The following KCNB2 variants were observed in gnomAD, a reference collection of about 807,000 sequenced individuals.
KCNB2 encodes the protein potassium voltage-gated channel subfamily B member 2.
A neutral mutation model predicts 61.5 loss-of-function variants in KCNB2; 15 were observed. The ratio of observed to expected loss-of-function variants is 0.24; its 90% CI spans 0.16 to 0.38. The LOEUF (loss-of-function observed/expected upper bound fraction) is 0.38, where lower values mean the gene tolerates loss of function less well. Ranked by LOEUF, KCNB2 falls within the 10% of genes least tolerant of loss-of-function variation. The pLI is 1.00. For synonymous variants in KCNB2, 457 were observed against 446.0 expected, an observed-to-expected ratio of 1.02 and a Z score of -0.31; for missense variants, 828 against 1,125.2, an observed-to-expected ratio of 0.74 and a Z score of 3.78.
At chr8:72,804,089 G>A (rs1013543314) in intron 2 of KCNB2, among the ~76,000 whole-genome samples, 4 of 152,178 alleles carry the variant, frequency 2.6e-5, no homozygotes. Context: ...GCCTTGTACA[G>A]AGTCACCCCT....
chr8:72,769,083 C>A (rs1808517596), intron 2 of KCNB2, among the ~76,000 whole-genome samples: 1 of 152,022 alleles, frequency 6.6e-6, no homozygotes, highest in Admixed American at 6.6e-5. Context: ...TTGCTTGAAC[C>A]CAGGAGGCGG....
At position 72,935,818 on chromosome 8, in the gene KCNB2, ATCT is replaced by A. The variant is rs140809787; in HGVS notation, c.580-112_580-110del. 5.2e-3 allele frequency: 3,851 copies of A among 735,242 alleles called. 103 individuals are homozygous for A. The African/African-American group carries it at 0.062, about 12-fold the overall frequency. The allele number at this position is 735,242 out of a possible 1,614,324, so 45.5% of individuals were successfully genotyped here. A position where few individuals can be genotyped will look rare whatever the true frequency, so the allele number is the denominator to read the frequency against. On this transcript the variant is annotated intron_variant, in intron 2 of 2. Coordinates refer to ENST00000523207, the MANE Select transcript of KCNB2 (RefSeq NM_004770.3). Reference sequence around the variant, plus strand: ...TAAGTTGTAAAATTACCTTCTTATAATCTTCTTGGAAGAACTTGGAGCATTCCA... The same window carrying A: ...TAAGTTGTAAAATTACCTTCTTATAATCTTGGAAGAACTTGGAGCATTCCA...
At chr8:72,596,400 A>G (rs746191988) in intron 2 of KCNB2, among the ~76,000 whole-genome samples, 3 of 152,174 alleles carry the variant, frequency 2.0e-5, no homozygotes, top group Non-Finnish European at 2.9e-5. Context: ...TTCCACAGCT[A>G]TAAGTTGTTT....
At chr8:72,543,344 C>T (rs1245540652) in intron 1 of KCNB2, among the ~76,000 whole-genome samples, 1 of 152,100 alleles carries the variant, frequency 6.6e-6, no homozygotes, top group Non-Finnish European at 1.5e-5. Context: ...ACTTAAAATG[C>T]ATAAGTTTGG....
Position 72,723,885 on chromosome 8 carries a change from G to A in KCNB2, c.579+155572G>A, listed in dbSNP as rs146123440. 1.4e-4 allele frequency among the ~76,000 whole-genome samples: 22 copies of A among 152,296 alleles called. 1 individual carries two copies. The East Asian group carries it at 3.9e-3, about 27-fold the overall frequency. ...TCTGAAGAGGCTAGAGGGCTTAGCC[G>A]TGACTTGTTAAATTAGAGCAAGTAC... is the stretch of plus-strand genomic sequence containing the variant. On this transcript the variant is annotated intron_variant, in intron 2 of 2. Coordinates refer to ENST00000523207, the MANE Select transcript of KCNB2 (RefSeq NM_004770.3).
At chr8:72,884,864 T>C (rs1805775442) in intron 2 of KCNB2, among the ~76,000 whole-genome samples, 1 of 152,234 alleles carries the variant, frequency 6.6e-6, no homozygotes, top group South Asian at 2.1e-4. Context: ...TTTCAAAGTA[T>C]CTTAGCTCTT....
chr8:72,732,931 TA>T (rs1807772758), intron 2 of KCNB2, among the ~76,000 whole-genome samples: 1 of 151,334 alleles, frequency 6.6e-6, no homozygotes, highest in African/African-American at 2.4e-5. Context: ...ACTTTGAGAG[TA>T]GTAATTTTAT....
intron 2 of KCNB2, among the ~76,000 whole-genome samples, chr8:72,643,437 A>G (rs1487222940): frequency 6.6e-6 from 1 of 151,990 alleles, no homozygotes; most frequent in Non-Finnish European, 1.5e-5. Flanking sequence ...GAAACCACAT[A>G]GTGTTTACCT....
At chr8:72,556,325 T>C (rs192247883) in intron 1 of KCNB2, among the ~76,000 whole-genome samples, 88 of 152,128 alleles carry the variant, frequency 5.8e-4, no homozygotes, top group African/African-American at 2.0e-3. Context: ...ATTAATTATT[T>C]ATTATTGTTG....
At chr8:72,819,938 A>G (rs891633787) in intron 2 of KCNB2, among the ~76,000 whole-genome samples, 3 of 152,108 alleles carry the variant, frequency 2.0e-5, no homozygotes, top group African/African-American at 4.8e-5. Context: ...TTCTCCTACC[A>G]GATGCCTCCA....
Position 72,576,269 on chromosome 8 carries a change from A to G in KCNB2, c.579+7956A>G, listed in dbSNP as rs145832140. Among the ~76,000 whole-genome samples the G allele has an allele frequency of 8.5e-5, 13 of 152,348 alleles. No homozygotes were observed. The East Asian group carries it at 2.5e-3, about 29-fold the overall frequency. ...GTAATGCCCTGAGGCATAAATCTGC[A>G]TTATGTATAATGTAAGCTTGGTGTG... On this transcript the variant is annotated intron_variant, in intron 2 of 2. Coordinates refer to ENST00000523207, the MANE Select transcript of KCNB2 (RefSeq NM_004770.3).
intron 2 of KCNB2, among the ~76,000 whole-genome samples, chr8:72,611,845 T>A: frequency 6.7e-6 from 1 of 148,854 alleles, no homozygotes; most frequent in South Asian, 2.1e-4. Context: ...AAGAAACCCA[T>A]TTTTTTTTTC....
At chr8:72,812,584 G>GT (rs891687722) in intron 2 of KCNB2, among the ~76,000 whole-genome samples, 4 of 151,850 alleles carry the variant, frequency 2.6e-5, no homozygotes, top group African/African-American at 9.7e-5. Flanking sequence ...TTTAAATCAT[G>GT]TTTTTTTAAA....
chr8:72,792,012 G>A (rs1808952812), intron 2 of KCNB2, among the ~76,000 whole-genome samples: 1 of 152,212 alleles, frequency 6.6e-6, no homozygotes. Context: ...CACAAGGATT[G>A]CCTGGGGCTT....
At position 72,659,148 on chromosome 8, in the gene KCNB2, C is replaced by G. The variant is rs997827084; in HGVS notation, c.579+90835C>G. ...AATTGAAAACCTTCTGGAAAAGATT[C>G]ACCATTCTTGATGCCATTAGGAATA... On this transcript the variant is annotated intron_variant, in intron 2 of 2. Coordinates refer to ENST00000523207, the MANE Select transcript of KCNB2 (RefSeq NM_004770.3). 2.6e-5 allele frequency among the ~76,000 whole-genome samples: 4 copies of G among 152,194 alleles called. No homozygotes were observed. In the South Asian group the frequency reaches 8.3e-4, roughly 32 times the overall value.
At chr8:72,836,563 G>T (rs921225194) in intron 2 of KCNB2, among the ~76,000 whole-genome samples, 6 of 152,120 alleles carry the variant, frequency 3.9e-5, no homozygotes, top group African/African-American at 1.4e-4. Flanking sequence ...GTAGAAGGTT[G>T]CTCCATATTA....
chr8:72,904,486 C>A (rs534691152), intron 2 of KCNB2, among the ~76,000 whole-genome samples: 59 of 152,012 alleles, frequency 3.9e-4, no homozygotes, highest in African/African-American at 1.4e-3. Context: ...TGTGACAAGC[C>A]TGCACATCCC....
intron 2 of KCNB2, among the ~76,000 whole-genome samples, chr8:72,796,886 C>T (rs1378322113): frequency 6.6e-6 from 1 of 152,092 alleles, no homozygotes; most frequent in Non-Finnish European, 1.5e-5. Flanking sequence ...ATTTTAGTTC[C>T]ATTTTGCAGT....
intron 2 of KCNB2, among the ~76,000 whole-genome samples, chr8:72,911,177 G>C (rs140430473): frequency 2.0e-5 from 3 of 152,118 alleles, no homozygotes; most frequent in Admixed American, 6.5e-5. Context: ...CAGGAATTCC[G>C]ACAACAGTCT....
Sources: gnomAD v4.1 joint callset for allele counts (sites outside exome capture counted in the v4.1 genomes callset) on GRCh38, gnomAD v4.1.1 for gene constraint, MANE v1.5 for transcripts, NCBI Gene and HGNC (gene_info 2026-07-23, HGNC 2026-07-21) for gene names.